The following NPHP4 variants were observed in gnomAD, a reference collection of about 807,000 sequenced individuals.
The protein encoded by NPHP4 is nephrocystin 4.
Under a neutral mutation model 155.8 loss-of-function variants are expected in NPHP4, and 151 were observed. The observed-to-expected ratio is 0.97, with a 90% CI of 0.85 to 1.11. The LOEUF is 1.11. NPHP4 is among the 50% of genes least tolerant of loss of function. The probability of loss-of-function intolerance (pLI) is 0.00; values close to 1 mark genes in which losing one functional copy is unlikely to be tolerated. For synonymous variants in NPHP4, 845 were observed against 816.8 expected (o/e 1.03, Z -0.59); for missense variants, 1,956 against 1,925.7 (o/e 1.02, Z -0.29).
At chr1:5,912,616 C>T (rs906939395) in intron 11 of NPHP4, among the ~76,000 whole-genome samples, 6 of 151,894 alleles carry the variant, frequency 4.0e-5, no homozygotes, top group South Asian at 2.1e-4. Context: ...CTGGCAAACT[C>T]GTGGTAACCA....
chr1:5,968,683 G>A (rs1651979669), intron 4 of NPHP4, among the ~76,000 whole-genome samples: 1 of 152,022 alleles, frequency 6.6e-6, no homozygotes. Flanking sequence ...GATGACAAAT[G>A]TACAGCCTTC....
chr1:5,883,342 T>A (rs1181976200), intron 18 of NPHP4, among the ~76,000 whole-genome samples: 1 of 151,482 alleles, frequency 6.6e-6, no homozygotes, highest in Non-Finnish European at 1.5e-5. Context: ...GCCCTCCACA[T>A]GACGAGGAGA....
At position 5,890,072 on chromosome 1, in the gene NPHP4, G is replaced by A. The variant is rs551934063; in HGVS notation, c.2304+796C>T. Among the ~76,000 whole-genome samples the A allele has an allele frequency of 3.7e-3, 564 of 152,306 alleles. 1 individual carries two copies. The highest frequency in any genetic ancestry group is 0.013 in the African/African-American group (520 of 41,564). Reference sequence around the variant, plus strand: ...GGAGCAGAGGAGCCGTGCTTCTCAGGGGTCAGCAGCTGCTGGAGAGGACAG... The same window carrying A: ...GGAGCAGAGGAGCCGTGCTTCTCAGAGGTCAGCAGCTGCTGGAGAGGACAG... On this transcript the variant is annotated intron_variant, in intron 17 of 29. Coordinates refer to ENST00000378156, the MANE Select transcript of NPHP4 (RefSeq NM_015102.5). The surrounding 1 kb of genome is among the most constrained non-coding windows in gnomAD (Gnocchi z 4.9).
At chr1:5,962,020 T>A in intron 5 of NPHP4, 71 bp from the exon 6 acceptor site, 2 of 1,218,928 alleles carry the variant, frequency 1.6e-6, no homozygotes, top group Non-Finnish European at 2.3e-6. Flanking sequence ...ACCAGCCAAT[T>A]AACAGAGAAT....
chr1:5,991,781 G>T (rs975408571), intron 1 of NPHP4, among the ~76,000 whole-genome samples: 1 of 152,068 alleles, frequency 6.6e-6, no homozygotes, highest in African/African-American at 2.4e-5. Flanking sequence ...GCCGGGGGGC[G>T]GGGAGGAGGG....
At chr1:5,922,501 T>TCCC (rs1241994921) in intron 11 of NPHP4, among the ~76,000 whole-genome samples, 1 of 152,122 alleles carries the variant, frequency 6.6e-6, no homozygotes, top group Non-Finnish European at 1.5e-5. Flanking sequence ...AGGTGAAGCC[T>TCCC]CCCTCCTTCT....
In NPHP4 at chr1:5,863,185, G is replaced by A. The variant is rs370448377; in HGVS notation, c.*80C>T. The A allele has an allele frequency of 7.9e-5, 116 of 1,459,582 alleles. No homozygotes were observed. In the African/African-American group the frequency reaches 8.7e-4, roughly 11 times the overall value. The allele number at this position is 1,459,582 out of a possible 1,614,324, so 90.4% of individuals were successfully genotyped here. A position where few individuals can be genotyped will look rare whatever the true frequency, so the allele number is the denominator to read the frequency against. On this transcript the variant is annotated 3_prime_UTR_variant, in exon 30 of 30. Transcript: ENST00000378156. Reference sequence around the variant, plus strand: ...CTGAAGTGAAAGGCTGCAGAGAGGCGGGGAGGACAGCCTGCAGGGCAGGAG... The same window carrying A: ...CTGAAGTGAAAGGCTGCAGAGAGGCAGGGAGGACAGCCTGCAGGGCAGGAG...
chr1:5,904,532 G>A (rs1286906033), intron 16 of NPHP4, 85 bp downstream of exon 16: 19 of 1,066,354 alleles, frequency 1.8e-5, no homozygotes, highest in Non-Finnish European at 1.1e-5. Context: ...ACTTTTCATA[G>A]TACCACTTAT....
In NPHP4 at chr1:5,889,743, G is replaced by A. The variant is rs1409638149; in HGVS notation, c.2304+1125C>T. Among the ~76,000 whole-genome samples, 1 of 152,216 alleles carries A rather than the reference G, an allele frequency of 6.6e-6. No homozygotes were observed. Among genetic ancestry groups the A allele is most frequent in the Non-Finnish European group, 1.5e-5 (1 of 68,026 alleles). ...CAGCATGGGAGACGGACAAGCAAGG[G>A]CCACGATGACCCTGTGGGGCCCTTG... On this transcript the variant is annotated intron_variant, in intron 17 of 29. Transcript: ENST00000378156. This position sits in a 1 kb window ranked among gnomAD's most constrained non-coding sequence, Gnocchi z 4.2.
rs1309644744 is a variant in NPHP4, at chr1:5,944,686, C to T, written c.1119+2418G>A. On this transcript the variant is annotated intron_variant, in intron 9 of 29. Transcript: ENST00000378156. The surrounding 1 kb of genome is among the most constrained non-coding windows in gnomAD (Gnocchi z 4.3). ...CCAGCACATCGGAAAGTACCAATGA[C>T]TGGCCGGGCGCGGTGGTTCACGTCT... Among the ~76,000 whole-genome samples the T allele has an allele frequency of 6.6e-6, 1 of 152,204 alleles. No homozygotes were observed. The highest frequency in any genetic ancestry group is 1.5e-5 in the Non-Finnish European group (1 of 68,040).
intron 23 of NPHP4, chr1:5,868,180 G>A (rs1279707661): frequency 2.0e-6 from 1 of 501,604 alleles, no homozygotes; most frequent in Non-Finnish European, 3.7e-6. Flanking sequence ...CTTCTTAAAT[G>A]CCAGTGGAGA....
rs1373604610 is a variant in NPHP4 at position 5,882,218 on chromosome 1, G to A, written c.2486-1979C>T. Reference sequence around the variant, plus strand: ...GCTTACCCAGCCATCTCTCAGTGGCGCGCTTACCCAGCCATCTCTCAGTGG... The same window carrying A: ...GCTTACCCAGCCATCTCTCAGTGGCACGCTTACCCAGCCATCTCTCAGTGG... On this transcript the variant is annotated intron_variant, in intron 18 of 29. Transcript: ENST00000378156. This position sits in a 1 kb window ranked among gnomAD's most constrained non-coding sequence, Gnocchi z 5.1. 2.7e-5 allele frequency: 4 copies of A among 147,624 alleles called. No individual in the cohort carries two copies. The highest frequency in any genetic ancestry group is 5.0e-5 in the African/African-American group (2 of 39,718). The allele number at this position is 147,624 out of a possible 1,614,324, so 9.1% of individuals were successfully genotyped here. A position where few individuals can be genotyped will look rare whatever the true frequency, so the allele number is the denominator to read the frequency against.
At chr1:5,932,955 A>G (rs1196336875) in intron 10 of NPHP4, among the ~76,000 whole-genome samples, 192 bp downstream of exon 10, 3 of 152,208 alleles carry the variant, frequency 2.0e-5, no homozygotes, top group Admixed American at 2.0e-4. Context: ...CAGCAATAAA[A>G]CCCATGATAA....
intron 11 of NPHP4, among the ~76,000 whole-genome samples, chr1:5,912,221 G>A (rs1242389187): frequency 6.6e-6 from 1 of 152,346 alleles, no homozygotes; most frequent in East Asian, 1.9e-4. Context: ...GTGCAGAACT[G>A]GGAAGGCAGC....
At chr1:5,874,421 C>T (rs760734735) in intron 22 of NPHP4, 50 bp downstream of exon 22, 182 of 1,445,914 alleles carry the variant, frequency 1.3e-4, no homozygotes, top group Non-Finnish European at 7.0e-5. Context: ...TTCTCAATTT[C>T]CCACCGTCAT....
chr1:5,939,148 GA>G (rs1646696212), intron 9 of NPHP4, among the ~76,000 whole-genome samples: 1 of 152,156 alleles, frequency 6.6e-6, no homozygotes, highest in Non-Finnish European at 1.5e-5. Flanking sequence ...GGGCAAACTG[GA>G]AAAGGGCTAA....
chr1:5,869,243 A>G (rs201471113), intron 23 of NPHP4, among the ~76,000 whole-genome samples: 2 of 137,670 alleles, frequency 1.5e-5, no homozygotes, highest in African/African-American at 2.5e-5. Context: ...GCACACACAC[A>G]CACACACACA....
rs916213471 is a variant in NPHP4, at chr1:5,910,475, G to A, written c.1442-1262C>T. Among the ~76,000 whole-genome samples the A allele has an allele frequency of 2.0e-5, 3 of 152,098 alleles. No homozygotes were observed. The highest frequency in any genetic ancestry group is 4.8e-5 in the African/African-American group (2 of 41,392). ...GCAGCTCGCCTTCCCTCCCTCTCCT[G>A]TGGCCTCTGCTGCCATGAAGGTTGG... is the stretch of plus-strand genomic sequence containing the variant. On this transcript the variant is annotated intron_variant, in intron 11 of 29. Coordinates refer to ENST00000378156, the MANE Select transcript of NPHP4 (RefSeq NM_015102.5). The surrounding 1 kb of genome is among the most constrained non-coding windows in gnomAD (Gnocchi z 5.4).
intron 11 of NPHP4, among the ~76,000 whole-genome samples, chr1:5,911,627 G>C (rs1645183548): frequency 6.6e-6 from 1 of 152,136 alleles, no homozygotes; most frequent in Non-Finnish European, 1.5e-5. Context: ...TCTTCCAAGA[G>C]AGTAAACCTA....
Sources: allele counts gnomAD v4.1 joint callset (sites outside exome capture counted in the v4.1 genomes callset), GRCh38; gene constraint gnomAD v4.1.1; non-coding constraint Gnocchi (gnomAD v3.1); transcripts MANE v1.5; gene names NCBI Gene and HGNC (gene_info 2026-07-23, HGNC 2026-07-21).